ZFAND3: variants seen among roughly 807,000 people sequenced by gnomAD.
ZFAND3 encodes the protein AN1-type zinc finger protein 3.
Under a neutral mutation model 29.6 loss-of-function variants are expected in ZFAND3, and 10 were observed. That is an observed-to-expected ratio of 0.34 (90% confidence interval 0.21 to 0.57). The LOEUF is 0.57. Among genes scored for constraint, ZFAND3 ranks in the 20% least tolerant of loss-of-function variants. The pLI, the probability that ZFAND3 is intolerant of heterozygous loss-of-function variation, is 0.86. For missense variants in ZFAND3, 230 were observed against 304.5 expected, an observed-to-expected ratio of 0.76 and a Z score of 1.82; for synonymous variants, 128 against 112.6, an observed-to-expected ratio of 1.14 and a Z score of -0.87.
At chr6:38,106,379 A>G (rs1001684859) in intron 4 of ZFAND3, among the ~76,000 whole-genome samples, 9 of 152,054 alleles carry the variant, frequency 5.9e-5, no homozygotes, top group Non-Finnish European at 1.2e-4. Context: ...CAAACTCCCA[A>G]TCTCAGGTGA....
intron 1 of ZFAND3, among the ~76,000 whole-genome samples, chr6:37,916,436 G>C (rs1253820444): frequency 6.6e-6 from 1 of 152,040 alleles, no homozygotes; most frequent in Admixed American, 6.6e-5. Flanking sequence ...AAGGCAGGCA[G>C]ATCACGAGGT....
At chr6:38,042,479 A>G (rs1763810998) in intron 2 of ZFAND3, among the ~76,000 whole-genome samples, 1 of 151,826 alleles carries the variant, frequency 6.6e-6, no homozygotes, top group African/African-American at 2.4e-5. Flanking sequence ...ATGCCTAGCT[A>G]ATCTTTGTAT....
intron 2 of ZFAND3, among the ~76,000 whole-genome samples, chr6:37,997,077 G>T (rs1581824555): frequency 6.6e-6 from 1 of 152,256 alleles, no homozygotes; most frequent in East Asian, 1.9e-4. Flanking sequence ...ATGTGAATTA[G>T]GTAGGGAGAA....
chr6:38,052,075 T>C (rs1764038261), intron 2 of ZFAND3, among the ~76,000 whole-genome samples: 1 of 152,236 alleles, frequency 6.6e-6, no homozygotes, highest in African/African-American at 2.4e-5. Flanking sequence ...AACTAGATTA[T>C]AAAGTAAGTT....
chr6:37,906,830 G>A (rs1765417687), intron 1 of ZFAND3, among the ~76,000 whole-genome samples: 1 of 151,394 alleles, frequency 6.6e-6, no homozygotes, highest in African/African-American at 2.4e-5. Flanking sequence ...TATCTTCTTT[G>A]AAGAAATGGC....
chr6:37,911,187 C>T (rs115427244), intron 1 of ZFAND3, among the ~76,000 whole-genome samples: 242 of 152,274 alleles, frequency 1.6e-3, no homozygotes, highest in African/African-American at 5.2e-3. Flanking sequence ...CACGTCCTTG[C>T]CAACACTTGT....
At chr6:38,059,885 A>G (rs1372339465) in intron 2 of ZFAND3, among the ~76,000 whole-genome samples, 1 of 152,194 alleles carries the variant, frequency 6.6e-6, no homozygotes, top group East Asian at 1.9e-4. Context: ...CAAGAAAAAA[A>G]GAAAATAATT....
At chr6:38,033,129 C>CTTA (rs1190374480) in intron 2 of ZFAND3, among the ~76,000 whole-genome samples, 1 of 152,138 alleles carries the variant, frequency 6.6e-6, no homozygotes, top group Non-Finnish European at 1.5e-5. Flanking sequence ...CAAGTAAACT[C>CTTA]TTATCCAAGA....
intron 1 of ZFAND3, among the ~76,000 whole-genome samples, chr6:37,832,609 G>C (rs1044995081): frequency 1.3e-5 from 2 of 152,104 alleles, no homozygotes; most frequent in Admixed American, 1.3e-4. Flanking sequence ...TTTACTTACT[G>C]GTGAATTATA....
intron 1 of ZFAND3, among the ~76,000 whole-genome samples, chr6:37,900,677 G>T (rs953517783): frequency 4.6e-5 from 7 of 152,130 alleles, no homozygotes; most frequent in Admixed American, 1.3e-4. Context: ...TCACAGGTCT[G>T]TTATGTTCCA....
chr6:38,060,516 G>T (rs1046907550), intron 2 of ZFAND3, among the ~76,000 whole-genome samples: 10 of 132,866 alleles, frequency 7.5e-5, no homozygotes, highest in Non-Finnish European at 1.4e-4. Context: ...CCCTTGCCCT[G>T]CCCTTTCCCC....
chr6:37,838,509 A>C (rs1185480198), intron 1 of ZFAND3, among the ~76,000 whole-genome samples: 1 of 152,234 alleles, frequency 6.6e-6, no homozygotes, highest in East Asian at 1.9e-4. Context: ...AGCTCCTGCT[A>C]AACATGAATC....
chr6:38,026,536 T>G (rs1434585676), intron 2 of ZFAND3, among the ~76,000 whole-genome samples: 1 of 150,750 alleles, frequency 6.6e-6, no homozygotes, highest in Non-Finnish European at 1.5e-5. Context: ...TTCAAGTGAT[T>G]CTCGTGCCTC....
At chr6:38,100,851 T>A (rs1456264410) in intron 4 of ZFAND3, among the ~76,000 whole-genome samples, 2 of 152,244 alleles carry the variant, frequency 1.3e-5, no homozygotes, top group Non-Finnish European at 2.9e-5. Flanking sequence ...GCCTTATCTC[T>A]CGCCCTCTTT....
intron 2 of ZFAND3, among the ~76,000 whole-genome samples, chr6:37,939,370 G>A (rs927544605): frequency 6.6e-6 from 1 of 152,168 alleles, no homozygotes; most frequent in African/African-American, 2.4e-5. Flanking sequence ...CTTCTCCCCT[G>A]TGAGTCTCTA....
chr6:38,039,364 A>T (rs1763717532), intron 2 of ZFAND3, among the ~76,000 whole-genome samples: 1 of 152,188 alleles, frequency 6.6e-6, no homozygotes, highest in South Asian at 2.1e-4. Context: ...GCTTTAAAAC[A>T]TACCTAAGGT....
At chr6:38,049,034 A>G (rs778343844) in intron 2 of ZFAND3, among the ~76,000 whole-genome samples, 4 of 152,160 alleles carry the variant, frequency 2.6e-5, no homozygotes, top group Non-Finnish European at 4.4e-5. Flanking sequence ...TTGAAATCAC[A>G]TGCCTTTAGG....
intron 1 of ZFAND3, among the ~76,000 whole-genome samples, chr6:37,843,206 CT>C (rs1200066698): frequency 6.6e-6 from 1 of 151,846 alleles, no homozygotes; most frequent in Non-Finnish European, 1.5e-5. Context: ...GTGTTCCTGG[CT>C]GAGTGTGGTA....
At chr6:38,098,148 A>C (rs555179632) in intron 4 of ZFAND3, among the ~76,000 whole-genome samples, 18 of 151,746 alleles carry the variant, frequency 1.2e-4, no homozygotes, top group Admixed American at 3.3e-4. Flanking sequence ...TATAACTTTG[A>C]CCTGTTGGGC....
Sources: gnomAD v4.1 joint callset for allele counts (sites outside exome capture counted in the v4.1 genomes callset) on GRCh38, gnomAD v4.1.1 for gene constraint, MANE v1.5 for transcripts, NCBI Gene and HGNC (gene_info 2026-07-23, HGNC 2026-07-21) for gene names.